The following KCND2 variants were observed in gnomAD, a reference collection of about 807,000 sequenced individuals.
The protein encoded by KCND2 is A-type voltage-gated potassium channel KCND2.
A neutral mutation model predicts 54.4 loss-of-function variants in KCND2; 16 were observed. The observed-to-expected ratio is 0.29, with a 90% CI of 0.20 to 0.45. The LOEUF (loss-of-function observed/expected upper bound fraction) is 0.45, where lower values mean the gene tolerates loss of function less well. KCND2 is among the 20% of genes least tolerant of loss of function. KCND2 has a pLI of 1.00. For synonymous variants in KCND2, 317 were observed against 310.7 expected, an observed-to-expected ratio of 1.02 and a Z score of -0.21; for missense variants, 486 against 824.2, an observed-to-expected ratio of 0.59 and a Z score of 5.02.
intron 1 of KCND2, among the ~76,000 whole-genome samples, chr7:120,357,697 T>A (rs531397085): frequency 9.2e-5 from 14 of 151,832 alleles, no homozygotes; most frequent in Non-Finnish European, 1.3e-4. Context: ...AAAAAAAAAA[T>A]TATTTCTCAC....
intron 1 of KCND2, among the ~76,000 whole-genome samples, chr7:120,700,595 A>G (rs1792388396): frequency 6.6e-6 from 1 of 152,206 alleles, no homozygotes; most frequent in Admixed American, 6.5e-5. Flanking sequence ...TTTCAACATC[A>G]AACTTTGGAG....
chr7:120,527,008 G>A (rs963648265), intron 1 of KCND2, among the ~76,000 whole-genome samples: 2 of 152,000 alleles, frequency 1.3e-5, no homozygotes, highest in African/African-American at 2.4e-5. Flanking sequence ...AACCAATAGA[G>A]CTCATGATAA....
In KCND2 at chr7:120,747,871, A is replaced by G. The variant is rs945608663; in HGVS notation, c.*13A>G. On this transcript the variant is annotated 3_prime_UTR_variant, in exon 6 of 6. Transcript: ENST00000331113. ...TTCTGCTTTGTAAGACAATTGGAAT[A>G]AGGTCTAAGAGAATTCGAGCCCTGG... is the stretch of plus-strand genomic sequence containing the variant. 6.3e-7 allele frequency: 1 copy of G among 1,599,122 alleles called. No homozygotes were observed. Among genetic ancestry groups the G allele is most frequent in the African/African-American group, 1.3e-5 (1 of 74,522 alleles).
intron 1 of KCND2, among the ~76,000 whole-genome samples, chr7:120,396,625 A>G (rs1801159110): frequency 1.3e-5 from 2 of 152,052 alleles, no homozygotes; most frequent in East Asian, 1.9e-4. Flanking sequence ...GAGCCATTTC[A>G]GTTAGAGAGG....
chr7:120,451,710 T>C (rs540010608), intron 1 of KCND2, among the ~76,000 whole-genome samples: 1 of 152,312 alleles, frequency 6.6e-6, no homozygotes, highest in East Asian at 1.9e-4. Context: ...TCCTCATCAA[T>C]TGCCGCACAA....
At chr7:120,543,299 C>T (rs1792004303) in intron 1 of KCND2, among the ~76,000 whole-genome samples, 1 of 151,826 alleles carries the variant, frequency 6.6e-6, no homozygotes. Flanking sequence ...AGGGTTTCCT[C>T]ATTTTTCCCC....
intron 1 of KCND2, among the ~76,000 whole-genome samples, chr7:120,609,693 G>A (rs1792927098): frequency 6.6e-6 from 1 of 152,106 alleles, no homozygotes; most frequent in Admixed American, 6.6e-5. Flanking sequence ...TAAGAAACTG[G>A]CTGTGCCTAA....
chr7:120,432,164 G>A (rs1003807917), intron 1 of KCND2, among the ~76,000 whole-genome samples: 3 of 152,020 alleles, frequency 2.0e-5, no homozygotes, highest in East Asian at 3.8e-4. Context: ...AAATATCACC[G>A]TTTATTTCAA....
chr7:120,481,315 G>A (rs1584796248), intron 1 of KCND2, among the ~76,000 whole-genome samples: 3 of 152,074 alleles, frequency 2.0e-5, no homozygotes, highest in Admixed American at 6.6e-5. Context: ...ACTTTTAACC[G>A]CATAAAATGA....
intron 1 of KCND2, among the ~76,000 whole-genome samples, chr7:120,491,036 C>T (rs1428600906): frequency 6.6e-6 from 1 of 152,092 alleles, no homozygotes; most frequent in Admixed American, 6.6e-5. Context: ...CATGCTTTCA[C>T]GTTGCTGAGA....
chr7:120,472,056 T>C (rs1802462526), intron 1 of KCND2, among the ~76,000 whole-genome samples: 1 of 151,928 alleles, frequency 6.6e-6, no homozygotes, highest in Non-Finnish European at 1.5e-5. Flanking sequence ...TTCTGGAAGA[T>C]GAAGTCATTT....
At chr7:120,460,780 CT>C (rs1802272929) in intron 1 of KCND2, among the ~76,000 whole-genome samples, 2 of 152,118 alleles carry the variant, frequency 1.3e-5, no homozygotes, top group Admixed American at 1.3e-4. Flanking sequence ...CAGCCTGCCC[CT>C]GACCACTTTC....
At chr7:120,618,589 C>T (rs1040358970) in intron 1 of KCND2, among the ~76,000 whole-genome samples, 1 of 151,870 alleles carries the variant, frequency 6.6e-6, no homozygotes, top group African/African-American at 2.4e-5. Flanking sequence ...AAAGAAAATA[C>T]ATACAATTAT....
At chr7:120,615,406 A>C (rs1793011282) in intron 1 of KCND2, among the ~76,000 whole-genome samples, 1 of 152,220 alleles carries the variant, frequency 6.6e-6, no homozygotes, top group Non-Finnish European at 1.5e-5. Context: ...ACAATTTCAC[A>C]TATAAAGATT....
intron 1 of KCND2, among the ~76,000 whole-genome samples, chr7:120,679,189 T>C (rs189013595): frequency 2.0e-4 from 31 of 152,084 alleles, no homozygotes; most frequent in Admixed American, 9.8e-4. Flanking sequence ...ATGAAAATGC[T>C]AATTAGTTAT....
At chr7:120,369,397 G>T (rs1225291499) in intron 1 of KCND2, among the ~76,000 whole-genome samples, 2 of 151,962 alleles carry the variant, frequency 1.3e-5, no homozygotes, top group African/African-American at 4.8e-5. Context: ...GCTTGCGGGG[G>T]TCAATCTTTT....
intron 1 of KCND2, among the ~76,000 whole-genome samples, chr7:120,478,073 A>G (rs1193928484): frequency 6.6e-6 from 1 of 152,210 alleles, no homozygotes; most frequent in African/African-American, 2.4e-5. Flanking sequence ...TTCATCATGC[A>G]TTACACATTA....
chr7:120,548,856 G>C (rs1403619554), intron 1 of KCND2, among the ~76,000 whole-genome samples: 1 of 152,080 alleles, frequency 6.6e-6, no homozygotes, highest in Non-Finnish European at 1.5e-5. Flanking sequence ...ATGGACCAGA[G>C]AGGCTGACAA....
At chr7:120,377,167 A>G (rs919417257) in intron 1 of KCND2, among the ~76,000 whole-genome samples, 4 of 151,956 alleles carry the variant, frequency 2.6e-5, no homozygotes, top group Non-Finnish European at 4.4e-5. Flanking sequence ...TTGTCCTTCT[A>G]AAGCTGAAAG....
Sources: allele counts gnomAD v4.1 joint callset (sites outside exome capture counted in the v4.1 genomes callset), GRCh38; gene constraint gnomAD v4.1.1; transcripts MANE v1.5; gene names NCBI Gene and HGNC (gene_info 2026-07-23, HGNC 2026-07-21).